The following NHLRC2 variants were observed in gnomAD, a reference collection of about 807,000 sequenced individuals.
NHLRC2 encodes the protein NHL repeat containing 2.
In NHLRC2, 33 loss-of-function variants were observed where a neutral mutation model predicts 68.1. The observed-to-expected ratio is 0.48, with a 90% confidence interval of 0.37 to 0.65. NHLRC2 has a LOEUF of 0.65. Among genes scored for constraint, NHLRC2 ranks in the 30% least tolerant of loss-of-function variants. The pLI, the probability that NHLRC2 is intolerant of heterozygous loss-of-function variation, is 0.00. For missense variants in NHLRC2, 761 were observed against 853.8 expected (o/e 0.89, Z 1.35); for synonymous variants, 311 against 309.6 (o/e 1.00, Z -0.05).
chr10:113,884,301 A>T lies in NHLRC2; in HGVS notation c.960A>T (p.Gln320His). 1.9e-6 allele frequency: 3 copies of T among 1,610,422 alleles called. No individual in the cohort carries two copies. Among genetic ancestry groups the T allele is most frequent in the Non-Finnish European group, 2.5e-6 (3 of 1,177,178 alleles). The stretch of plus-strand genomic sequence containing the variant: ...GCACTGTAGCTGGTATTGGAATTCA[A>T]GGTACAGATAAAGAAGGTGGAGCAA... ...KVSTVAGIGI[Q>H]GTDKEGGAKG... The change falls in exon 5 of 11, where the codon CAA (glutamine) becomes CAT (histidine). Residue 320 changes from glutamine to histidine, a missense_variant. Coordinates refer to ENST00000369301, the MANE Select transcript of NHLRC2 (RefSeq NM_198514.4).
intron 10 of NHLRC2, among the ~76,000 whole-genome samples, chr10:113,906,459 G>A (rs149208746): frequency 6.6e-6 from 1 of 151,250 alleles, no homozygotes; most frequent in East Asian, 2.0e-4. Flanking sequence ...CTTTTGGCTT[G>A]TTATTTAGAA....
At chr10:113,869,478 T>G (rs888752258) in intron 2 of NHLRC2, among the ~76,000 whole-genome samples, 4 of 152,202 alleles carry the variant, frequency 2.6e-5, no homozygotes, top group African/African-American at 9.6e-5. Context: ...CATCTGTATG[T>G]TTGTTCTCAT....
At chr10:113,893,830 A>G (rs73347506) in intron 5 of NHLRC2, among the ~76,000 whole-genome samples, 4,801 of 152,322 alleles carry the variant, frequency 0.032, 266 homozygotes, top group African/African-American at 0.11. Flanking sequence ...TCCTTTGCCA[A>G]GACAGAGGCT....
chr10:113,872,231 G>C (rs912955567), intron 2 of NHLRC2, among the ~76,000 whole-genome samples: 2 of 152,058 alleles, frequency 1.3e-5, no homozygotes, highest in Non-Finnish European at 2.9e-5. Flanking sequence ...GGAAAAAAGC[G>C]TATATGAAGG....
chr10:113,887,870 T>G (rs1846096454), intron 5 of NHLRC2, among the ~76,000 whole-genome samples: 1 of 152,176 alleles, frequency 6.6e-6, no homozygotes, highest in South Asian at 2.1e-4. Context: ...GAGGACATTA[T>G]GCTAAGTGAA....
chr10:113,910,454 C>G lies in NHLRC2; in HGVS notation c.*1918C>G, dbSNP rs1461352912. On this transcript the variant is annotated 3_prime_UTR_variant, in exon 11 of 11. Transcript: ENST00000369301. ...CTGGCCTCAGGTGATCCGCCTGCCT[C>G]TGTCTCCCAAAGTGCTGGGATTACA... 1 of 152,230 alleles carries G rather than the reference C, an allele frequency of 6.6e-6. No individual in the cohort carries two copies. Among genetic ancestry groups the G allele is most frequent in the African/African-American group, 2.4e-5 (1 of 41,462 alleles). The allele number at this position is 152,230 out of a possible 1,614,324, so 9.4% of individuals were successfully genotyped here. A position where few individuals can be genotyped will look rare whatever the true frequency, so the allele number is the denominator to read the frequency against.
At chr10:113,862,016 G>T (rs1196440461) in intron 2 of NHLRC2, among the ~76,000 whole-genome samples, 2 of 151,950 alleles carry the variant, frequency 1.3e-5, no homozygotes, top group Non-Finnish European at 2.9e-5. Flanking sequence ...GGGATTACAG[G>T]TGCCTGCGAC....
intron 10 of NHLRC2, 27 bp downstream of exon 10, chr10:113,905,063 A>G: frequency 9.1e-7 from 1 of 1,096,846 alleles, no homozygotes; most frequent in Non-Finnish European, 1.3e-6. Flanking sequence ...GCAAATACTA[A>G]TACATCATAT....
chr10:113,898,117 G>C lies in NHLRC2; in HGVS notation c.1047G>C (p.Glu349Asp). ...TGATTTATTTTTATAAAGGTTCAGAGGTCCAAAGAGGTGACATTTTATGGA... is the reference window on the plus strand; with the variant it reads ...TGATTTATTTTTATAAAGGTTCAGACGTCCAAAGAGGTGACATTTTATGGA... ...WDVVFGTSGS[E>D]VQRGDILWIA... Residue 349 changes from glutamate (E) to aspartate (D), a missense_variant, in exon 6 of 11, where the codon GAG becomes GAC. By Grantham distance (45) the Glu-to-Asp change is conservative. Coordinates refer to ENST00000369301, the MANE Select transcript of NHLRC2 (RefSeq NM_198514.4). 3 of 1,604,004 alleles carry C rather than the reference G, an allele frequency of 1.9e-6. No homozygotes were observed. Among genetic ancestry groups the C allele is most frequent in the East Asian group, 4.5e-5 (2 of 44,794 alleles).
At chr10:113,860,316 C>G (rs1845803150) in intron 2 of NHLRC2, among the ~76,000 whole-genome samples, 1 of 152,164 alleles carries the variant, frequency 6.6e-6, no homozygotes, top group South Asian at 2.1e-4. Context: ...TAAGCAGATT[C>G]AGTGACTTCC....
chr10:113,864,838 G>A, intron 2 of NHLRC2, among the ~76,000 whole-genome samples: 1 of 152,070 alleles, frequency 6.6e-6, no homozygotes, highest in East Asian at 1.9e-4. Context: ...AGGCTGGTGA[G>A]AGCCATTTGT....
chr10:113,904,098 G>GTT (rs78131052), intron 9 of NHLRC2, among the ~76,000 whole-genome samples: 12 of 120,384 alleles, frequency 1.0e-4, no homozygotes, highest in East Asian at 4.9e-4. Context: ...TATTGTTTTT[G>GTT]TTTTTTTTTT....
intron 4 of NHLRC2, among the ~76,000 whole-genome samples, chr10:113,879,911 T>C (rs552126668): frequency 6.6e-6 from 1 of 152,184 alleles, no homozygotes; most frequent in Admixed American, 6.5e-5. Flanking sequence ...TTCAGTTCTT[T>C]TTTTAACCCT....
chr10:113,876,988 T>A lies in NHLRC2; in HGVS notation c.787+12T>A. 2 of 1,495,736 alleles carry A rather than the reference T, an allele frequency of 1.3e-6. No homozygotes were observed. The highest frequency in any genetic ancestry group is 1.8e-6 in the Non-Finnish European group (2 of 1,105,102). The allele number at this position is 1,495,736 out of a possible 1,614,324, so 92.7% of individuals were successfully genotyped here. A position where few individuals can be genotyped will look rare whatever the true frequency, so the allele number is the denominator to read the frequency against. On this transcript the variant is annotated intron_variant, in intron 3 of 10. Transcript: ENST00000369301. ...ATATAGCATTGGAGGTAAAACTTGCTTCTGATTACGATAGATAACGTGTTT... is the reference window on the plus strand; with the variant it reads ...ATATAGCATTGGAGGTAAAACTTGCATCTGATTACGATAGATAACGTGTTT...
intron 5 of NHLRC2, among the ~76,000 whole-genome samples, chr10:113,896,471 A>T (rs1294834735): frequency 7.2e-6 from 1 of 138,156 alleles, no homozygotes. Context: ...AACAATGAGA[A>T]CACATGGACA....
chr10:113,861,998 A>G (rs1845820440), intron 2 of NHLRC2, among the ~76,000 whole-genome samples: 1 of 151,778 alleles, frequency 6.6e-6, no homozygotes, highest in East Asian at 1.9e-4. Context: ...TCAGCCTCCC[A>G]AGTAGCTGGG....
At position 113,914,610 on chromosome 10, in the gene NHLRC2, G is replaced by A. The variant is rs1048981695; in HGVS notation, c.*6074G>A. 7.7e-5 allele frequency: 17 copies of A among 219,946 alleles called. No homozygotes were observed. Among genetic ancestry groups the A allele is most frequent in the Admixed American group, 7.4e-4 (14 of 19,004 alleles). The allele number at this position is 219,946 out of a possible 1,614,324, so 13.6% of individuals were successfully genotyped here. A position where few individuals can be genotyped will look rare whatever the true frequency, so the allele number is the denominator to read the frequency against. On this transcript the variant is annotated 3_prime_UTR_variant, in exon 11 of 11. Coordinates refer to ENST00000369301, the MANE Select transcript of NHLRC2 (RefSeq NM_198514.4). ...GTAGTATGGTGCAGTAAGGAATTTTGTTAATTTTGTTATAAACTCCCTCTC... is the reference window on the plus strand; with the variant it reads ...GTAGTATGGTGCAGTAAGGAATTTTATTAATTTTGTTATAAACTCCCTCTC...
At chr10:113,891,932 T>C (rs1160662764) in intron 5 of NHLRC2, among the ~76,000 whole-genome samples, 1 of 152,214 alleles carries the variant, frequency 6.6e-6, no homozygotes, top group African/African-American at 2.4e-5. Context: ...AGCCTCCTGT[T>C]TCTCCCCTAG....
chr10:113,899,469 C>A (rs1419993264), intron 6 of NHLRC2, among the ~76,000 whole-genome samples: 1 of 152,110 alleles, frequency 6.6e-6, no homozygotes, highest in African/African-American at 2.4e-5. Context: ...GACATTTAAT[C>A]GTTTAGCAAA....
Sources: gnomAD v4.1 joint callset for allele counts (sites outside exome capture counted in the v4.1 genomes callset) on GRCh38, gnomAD v4.1.1 for gene constraint, MANE v1.5 for transcripts, NCBI Gene and HGNC (gene_info 2026-07-23, HGNC 2026-07-21) for gene names.